The following DVL3 variants were observed in gnomAD, a reference collection of about 807,000 sequenced individuals.
DVL3 encodes segment polarity protein dishevelled homolog DVL-3.
DVL3 carries 27 observed loss-of-function variants against 67.4 expected under a neutral mutation model. The observed-to-expected ratio is 0.40, with a 90% confidence interval of 0.30 to 0.55. The LOEUF (loss-of-function observed/expected upper bound fraction) is 0.55, where lower values mean the gene tolerates loss of function less well. Among genes scored for constraint, DVL3 ranks in the 20% least tolerant of loss-of-function variants. The pLI is 0.46. For synonymous variants in DVL3, 369 were observed against 396.8 expected (o/e 0.93, Z 0.83); for missense variants, 819 against 1,021.5 (o/e 0.80, Z 2.70).
At position 184,167,080 on chromosome 3, in the gene DVL3, G is replaced by A; in HGVS notation, c.1198+105G>A. On this transcript the variant is annotated intron_variant, in intron 11 of 14. Coordinates refer to ENST00000313143, the MANE Select transcript of DVL3 (RefSeq NM_004423.4). The surrounding 1 kb of genome is among the most constrained non-coding windows in gnomAD (Gnocchi z 4.6). ...TGCTTGAGCATCAGAGAGGGCTGGA[G>A]ATGGGGCTCGGCTCATTCCAGCAAC... 7.0e-7 allele frequency: 1 copy of A among 1,418,662 alleles called. No homozygotes were observed. Among genetic ancestry groups the A allele is most frequent in the African/African-American group, 1.4e-5 (1 of 70,632 alleles). The allele number at this position is 1,418,662 out of a possible 1,614,324, so 87.9% of individuals were successfully genotyped here. A position where few individuals can be genotyped will look rare whatever the true frequency, so the allele number is the denominator to read the frequency against.
Position 184,167,072 on chromosome 3 carries a change from G to C in DVL3, c.1198+97G>C. 6.8e-7 allele frequency: 1 copy of C among 1,470,842 alleles called. No homozygotes were observed. Among genetic ancestry groups the C allele is most frequent in the Non-Finnish European group, 9.2e-7 (1 of 1,081,928 alleles). The allele number at this position is 1,470,842 out of a possible 1,614,324, so 91.1% of individuals were successfully genotyped here. ...GAGACTCTTGCTTGAGCATCAGAGA[G>C]GGCTGGAGATGGGGCTCGGCTCATT... On this transcript the variant is annotated intron_variant, in intron 11 of 14. Transcript: ENST00000313143. This position sits in a 1 kb window ranked among gnomAD's most constrained non-coding sequence, Gnocchi z 4.6.
intron 1 of DVL3, chr3:184,156,456 C>T (rs1714193480): frequency 4.4e-6 from 2 of 456,770 alleles, no homozygotes; most frequent in Non-Finnish European, 8.8e-6. Flanking sequence ...AGGTGCTGAT[C>T]TTTCCTCCAA....
At position 184,155,550 on chromosome 3, in the gene DVL3, C is replaced by G. The variant is rs983017906; in HGVS notation, c.-86C>G. On this transcript the variant is annotated 5_prime_UTR_variant, in exon 1 of 15. Coordinates refer to ENST00000313143, the MANE Select transcript of DVL3 (RefSeq NM_004423.4). This position sits in a 1 kb window ranked among gnomAD's most constrained non-coding sequence, Gnocchi z 5.4. ...GCCGAGCTGGGTTGAGCCGCTGGGC[C>G]GCGCCGCGCGCCGCCGCCGTCTGGG... The G allele has an allele frequency of 1.9e-5, 17 of 883,138 alleles. No individual in the cohort carries two copies. Among genetic ancestry groups the G allele is most frequent in the Non-Finnish European group, 2.3e-5 (17 of 735,782 alleles). The allele number at this position is 883,138 out of a possible 1,614,324, so 54.7% of individuals were successfully genotyped here.
At chr3:184,161,691 C>T (rs1714387678) in intron 1 of DVL3, among the ~76,000 whole-genome samples, 1 of 152,182 alleles carries the variant, frequency 6.6e-6, no homozygotes, top group Admixed American at 6.5e-5. Context: ...ACATTCCACA[C>T]CCTTCATGCC....
rs538692308 is a variant in DVL3, at chr3:184,159,903, T to C, written c.162-3754T>C. ...CTGGGCCCTCAGCCAAAGCATTTTATTTTATTTTATTTTTATTTTTTTATT... is the reference window on the plus strand; with the variant it reads ...CTGGGCCCTCAGCCAAAGCATTTTACTTTATTTTATTTTTATTTTTTTATT... On this transcript the variant is annotated intron_variant, in intron 1 of 14. Coordinates refer to ENST00000313143, the MANE Select transcript of DVL3 (RefSeq NM_004423.4). Among the ~76,000 whole-genome samples, 9 of 151,932 alleles carry C rather than the reference T, an allele frequency of 5.9e-5. No homozygotes were observed. The South Asian group carries it at 6.2e-4, about 11-fold the overall frequency.
At position 184,169,689 on chromosome 3, in the gene DVL3, A is replaced by T. The variant is rs535926893; in HGVS notation, c.1499-317A>T. 5.9e-5 allele frequency among the ~76,000 whole-genome samples: 9 copies of T among 152,302 alleles called. No individual in the cohort carries two copies. The South Asian group carries it at 1.9e-3, about 32-fold the overall frequency. On this transcript the variant is annotated intron_variant, in intron 13 of 14. Transcript: ENST00000313143. The stretch of plus-strand genomic sequence containing the variant: ...GGCCACAGAGCAAGACTCCGTCTCA[A>T]AGAGTTTTGCCGCTTCTAGCCCACT...
intron 13 of DVL3, among the ~76,000 whole-genome samples, chr3:184,168,347 A>G (rs1714673485): frequency 6.6e-6 from 1 of 152,228 alleles, no homozygotes; most frequent in Admixed American, 6.5e-5. Flanking sequence ...AACCTCCCAG[A>G]GGCCCAGCTC....
rs1381346832 is a variant in DVL3 at position 184,170,797 on chromosome 3, C to G, written c.*42C>G. 2 of 1,607,058 alleles carry G rather than the reference C, an allele frequency of 1.2e-6. No homozygotes were observed. Among genetic ancestry groups the G allele is most frequent in the Middle Eastern group, 3.3e-4 (2 of 6,054 alleles). Reference sequence around the variant, plus strand: ...AGCTCCATTCCGCTCCCACCCCAGCCGGCTGCGTTCCTCTCTCCATCCGTC... The same window carrying G: ...AGCTCCATTCCGCTCCCACCCCAGCGGGCTGCGTTCCTCTCTCCATCCGTC... On this transcript the variant is annotated 3_prime_UTR_variant, in exon 15 of 15. Transcript: ENST00000313143. The surrounding 1 kb of genome is among the most constrained non-coding windows in gnomAD (Gnocchi z 6.5).
chr3:184,167,593 C>T lies in DVL3; in HGVS notation c.1212C>T (p.Phe404=). Residue 404 remains phenylalanine (F), a synonymous_variant, in exon 12 of 15, where the codon TTC becomes TTT. Transcript: ENST00000313143. The surrounding 1 kb of genome is among the most constrained non-coding windows in gnomAD (Gnocchi z 4.6). ...SIPDTERLDD[F]HLSIHSDMAA... ...TCCCACCCCCAGGCCTAGACGACTTCCACTTGTCCATCCACAGTGACATGG... is the reference window on the plus strand; with the variant it reads ...TCCCACCCCCAGGCCTAGACGACTTTCACTTGTCCATCCACAGTGACATGG... 6.2e-7 allele frequency: 1 copy of T among 1,613,938 alleles called. No homozygotes were observed. The highest frequency in any genetic ancestry group is 8.5e-7 in the Non-Finnish European group (1 of 1,180,034).
In DVL3 at chr3:184,173,416, C is replaced by T. The variant is rs1714916610; in HGVS notation, c.*2661C>T. On this transcript the variant is annotated 3_prime_UTR_variant, in exon 15 of 15. Coordinates refer to ENST00000313143, the MANE Select transcript of DVL3 (RefSeq NM_004423.4). ...GTGGTTTTGGGTTTGAATTCCAGCT[C>T]TACTATTTTTGGTTGTGTGATAGAG... 6.6e-6 allele frequency: 1 copy of T among 152,164 alleles called. No homozygotes were observed. Among genetic ancestry groups the T allele is most frequent in the African/African-American group, 2.4e-5 (1 of 41,432 alleles). 9.4% of individuals were successfully genotyped at this position (152,164 alleles called of 1,614,324 possible).
chr3:184,171,368 C>T lies in DVL3; in HGVS notation c.*613C>T, dbSNP rs1714831421. 1.7e-5 allele frequency: 17 copies of T among 1,001,492 alleles called. No homozygotes were observed. The highest frequency in any genetic ancestry group is 1.7e-5 in the African/African-American group (1 of 57,328). 62.0% of individuals were successfully genotyped at this position (1,001,492 alleles called of 1,614,324 possible). A position where few individuals can be genotyped will look rare whatever the true frequency, so the allele number is the denominator to read the frequency against. ...CCTGCCTGTGCCTAGATCAGAGGCC[C>T]AGAGGGCCCCCTCAGTTGCCTGAGC... is the stretch of plus-strand genomic sequence containing the variant. On this transcript the variant is annotated 3_prime_UTR_variant, in exon 15 of 15. Transcript: ENST00000313143.
At chr3:184,156,005 T>C (rs1296922741) in intron 1 of DVL3, among the ~76,000 whole-genome samples, 1 of 152,140 alleles carries the variant, frequency 6.6e-6, no homozygotes, top group Non-Finnish European at 1.5e-5. Flanking sequence ...CTCCCTTGTT[T>C]AAGGGGACGT....
chr3:184,156,955 AAGCCCC>A, intron 1 of DVL3: 1 of 162,380 alleles, frequency 6.2e-6, no homozygotes, highest in South Asian at 1.6e-4. Context: ...CTTCTCTCCC[AAGCCCC>A]TGGCCCACCT....
chr3:184,156,800 G>T (rs1172320109), intron 1 of DVL3: 1 of 283,424 alleles, frequency 3.5e-6, no homozygotes, highest in Non-Finnish European at 7.0e-6. Context: ...CACTAACTGG[G>T]CGCTGGGCCT....
intron 13 of DVL3, among the ~76,000 whole-genome samples, chr3:184,169,014 C>G (rs1294635967): frequency 6.6e-6 from 1 of 152,108 alleles, no homozygotes; most frequent in Non-Finnish European, 1.5e-5. Flanking sequence ...CCTTCTGGCC[C>G]CTTCCCACCC....
At chr3:184,161,595 A>T (rs1296449623) in intron 1 of DVL3, among the ~76,000 whole-genome samples, 4 of 150,274 alleles carry the variant, frequency 2.7e-5, no homozygotes, top group African/African-American at 7.4e-5. Flanking sequence ...AAACTTTTCC[A>T]CTCCCCTTCC....
Position 184,167,619 on chromosome 3 carries a change from C to G in DVL3, c.1238C>G (p.Ala413Gly), listed in dbSNP as rs1353554675. The G allele has an allele frequency of 1.9e-6, 3 of 1,614,162 alleles. No homozygotes were observed. Among genetic ancestry groups the G allele is most frequent in the South Asian group, 2.2e-5 (2 of 91,082 alleles). The change falls in exon 12 of 15, where the codon GCT becomes GGT. Residue 413 changes from alanine (A) to glycine (G), a missense_variant. This residue lies in a region of DVL3 where 110 missense variants were observed against 203.4 expected (regional missense o/e 0.54). Transcript: ENST00000313143. The surrounding 1 kb of genome is among the most constrained non-coding windows in gnomAD (Gnocchi z 4.6). The part of the protein sequence containing the change: ...DFHLSIHSDM[A>G]AIVKAMASPE... ...CACTTGTCCATCCACAGTGACATGG[C>G]TGCCATCGTAAAAGCCATGGCCTCC...
At chr3:184,157,954 A>G (rs1290946590) in intron 1 of DVL3, among the ~76,000 whole-genome samples, 1 of 152,214 alleles carries the variant, frequency 6.6e-6, no homozygotes, top group East Asian at 1.9e-4. Flanking sequence ...TGTGCCAGGG[A>G]CTAATCTAAA....
In DVL3 at chr3:184,165,320, T is replaced by C. The variant is rs1421042381; in HGVS notation, c.694-102T>C. 1.4e-5 allele frequency: 21 copies of C among 1,546,646 alleles called. No homozygotes were observed. Among genetic ancestry groups the C allele is most frequent in the Admixed American group, 5.3e-5 (3 of 56,526 alleles). On this transcript the variant is annotated intron_variant, in intron 6 of 14. Coordinates refer to ENST00000313143, the MANE Select transcript of DVL3 (RefSeq NM_004423.4). This position sits in a 1 kb window ranked among gnomAD's most constrained non-coding sequence, Gnocchi z 4.1. Reference sequence around the variant, plus strand: ...TCCCCCTAGTGCAGTGTTGAGAACCTTGGGGCTGGGGGCTGCACCGGGGAC... The same window carrying C: ...TCCCCCTAGTGCAGTGTTGAGAACCCTGGGGCTGGGGGCTGCACCGGGGAC...
Sources: gnomAD v4.1 joint callset for allele counts (sites outside exome capture counted in the v4.1 genomes callset) on GRCh38, gnomAD v4.1.1 for gene constraint, gnomAD v4.1.1 regional missense constraint, Gnocchi (gnomAD v3.1) non-coding constraint, MANE v1.5 for transcripts, NCBI Gene and HGNC (gene_info 2026-07-23, HGNC 2026-07-21) for gene names.